SRPK1: variants seen among roughly 807,000 people sequenced by gnomAD.
SRPK1 encodes the protein SFRS protein kinase 1.
A neutral mutation model predicts 89.5 loss-of-function variants in SRPK1; 52 were observed. The ratio of observed to expected loss-of-function variants is 0.58; its 90% CI spans 0.46 to 0.73. The LOEUF (loss-of-function observed/expected upper bound fraction) is 0.73. SRPK1 is among the 30% of genes least tolerant of loss of function. SRPK1 has a pLI of 0.00. For missense variants in SRPK1, 603 were observed against 780.6 expected, an observed-to-expected ratio of 0.77 and a Z score of 2.71; for synonymous variants, 255 against 270.2, an observed-to-expected ratio of 0.94 and a Z score of 0.55.
chr6:35,881,134 C>G (rs1770278817), intron 6 of SRPK1, among the ~76,000 whole-genome samples: 1 of 151,938 alleles, frequency 6.6e-6, no homozygotes, highest in Admixed American at 6.6e-5. Context: ...TTAAGACATC[C>G]CATGTAAACA....
chr6:35,855,584 C>A (rs1440700472), intron 13 of SRPK1, among the ~76,000 whole-genome samples: 1 of 152,066 alleles, frequency 6.6e-6, no homozygotes, highest in East Asian at 1.9e-4. Flanking sequence ...TTTATTAAAC[C>A]CTGTTGAATA....
intron 6 of SRPK1, among the ~76,000 whole-genome samples, chr6:35,883,587 TG>T (rs1770342971): frequency 6.6e-6 from 1 of 152,026 alleles, no homozygotes; most frequent in South Asian, 2.1e-4. Flanking sequence ...TTGTAAGCAG[TG>T]ATATTAAAAT....
intron 6 of SRPK1, among the ~76,000 whole-genome samples, chr6:35,883,606 C>A (rs1398075917): frequency 6.6e-6 from 1 of 151,704 alleles, no homozygotes. Flanking sequence ...AATGACCAAA[C>A]ATATAGTAGC....
intron 3 of SRPK1, among the ~76,000 whole-genome samples, chr6:35,889,959 T>A (rs1178327152): frequency 7.0e-6 from 1 of 143,566 alleles, no homozygotes; most frequent in Non-Finnish European, 1.5e-5. Context: ...ATACAAAAAA[T>A]TAGCCGGGTA....
chr6:35,917,425 C>G (rs1771134857), intron 2 of SRPK1, among the ~76,000 whole-genome samples: 1 of 152,176 alleles, frequency 6.6e-6, no homozygotes, highest in African/African-American at 2.4e-5. Context: ...TCTGACAAAC[C>G]TCAATTCTCT....
In SRPK1 at chr6:35,893,659, T is replaced by TACC. The variant is rs1046326276; in HGVS notation, c.75-2649_75-2647dup. Among the ~76,000 whole-genome samples, 182 of 152,242 alleles carry TACC rather than the reference T, an allele frequency of 1.2e-3. 1 individual carries two copies. Among genetic ancestry groups the TACC allele is most frequent in the African/African-American group, 4.0e-3 (165 of 41,518 alleles). On this transcript the variant is annotated intron_variant, in intron 2 of 15. Coordinates refer to ENST00000373825, the MANE Select transcript of SRPK1 (RefSeq NM_003137.5). ...CAAATGCTGTTAGTGTGGATGATGCTACCCCAGAGTAAACTTTTCCAGATT... is the reference window on the plus strand; with the variant it reads ...CAAATGCTGTTAGTGTGGATGATGCTACCACCCCAGAGTAAACTTTTCCAGATT...
intron 6 of SRPK1, among the ~76,000 whole-genome samples, chr6:35,878,991 T>C (rs1264458680): frequency 1.3e-5 from 2 of 152,066 alleles, no homozygotes; most frequent in African/African-American, 2.4e-5. Flanking sequence ...CATGGGAGGC[T>C]GAGGCAGGAG....
intron 13 of SRPK1, 119 bp from the exon 14 acceptor site, chr6:35,842,723 AT>A (rs71652741): frequency 0.032 from 14,219 of 440,510 alleles, 152 homozygotes; most frequent in African/African-American, 0.079. Flanking sequence ...CTTATAGATC[AT>A]TTAAAAAAAA....
chr6:35,874,661 A>G (rs1370518824), intron 6 of SRPK1, among the ~76,000 whole-genome samples: 1 of 152,246 alleles, frequency 6.6e-6, no homozygotes, highest in Non-Finnish European at 1.5e-5. Context: ...TCAAGCCTCA[A>G]GCTGTTGATT....
chr6:35,884,314 G>C (rs1561985466), intron 6 of SRPK1, among the ~76,000 whole-genome samples: 1 of 152,164 alleles, frequency 6.6e-6, no homozygotes, highest in Non-Finnish European at 1.5e-5. Flanking sequence ...CTCCAGGCAA[G>C]TAGAGTGAGC....
intron 11 of SRPK1, 117 bp from the exon 12 acceptor site, chr6:35,869,227 C>A (rs1014893819): frequency 4.1e-5 from 40 of 965,692 alleles, no homozygotes; most frequent in African/African-American, 8.3e-5. Flanking sequence ...TGACAACTTA[C>A]ATTTTCTGAG....
At position 35,869,103 on chromosome 6, in the gene SRPK1, G is replaced by C. The variant is rs1288549807; in HGVS notation, c.1419C>G (p.Ser473=). 15 of 1,612,748 alleles carry C rather than the reference G, an allele frequency of 9.3e-6. No individual in the cohort carries two copies. The highest frequency in any genetic ancestry group is 1.2e-5 in the Non-Finnish European group (14 of 1,179,420). ...GATTAACAAGAAAATTTCCAGCCGTGGATTTTCCTACAGACAACAGGCATC... is the reference window on the plus strand; with the variant it reads ...GATTAACAAGAAAATTTCCAGCCGTCGATTTTCCTACAGACAACAGGCATC... ...HNGPLDNKGK[S]TAGNFLVNPL... Residue 473 remains serine, a synonymous_variant, in exon 12 of 16, where the codon TCC becomes TCG. Transcript: ENST00000373825.
At chr6:35,893,370 A>G (rs1274661439) in intron 2 of SRPK1, among the ~76,000 whole-genome samples, 1 of 152,078 alleles carries the variant, frequency 6.6e-6, no homozygotes, top group African/African-American at 2.4e-5. Context: ...CTGTAGTCCC[A>G]GCTACTCGGG....
chr6:35,910,203 G>A (rs556180100), intron 2 of SRPK1, among the ~76,000 whole-genome samples: 16 of 152,104 alleles, frequency 1.1e-4, no homozygotes, highest in African/African-American at 2.9e-4. Flanking sequence ...GGCTGGTCTC[G>A]AACTCCCGAC....
At chr6:35,904,107 A>T (rs556787126) in intron 2 of SRPK1, among the ~76,000 whole-genome samples, 3 of 152,156 alleles carry the variant, frequency 2.0e-5, no homozygotes, top group Admixed American at 6.5e-5. Flanking sequence ...CCAAGCCATG[A>T]TTTTTATTTA....
intron 2 of SRPK1, among the ~76,000 whole-genome samples, chr6:35,900,433 T>A (rs1002541286): frequency 5.3e-5 from 8 of 152,212 alleles, no homozygotes; most frequent in Non-Finnish European, 1.2e-4. Context: ...CCAGGTACTT[T>A]TTTCTAGGCA....
chr6:35,859,816 G>A (rs77408498), intron 12 of SRPK1, among the ~76,000 whole-genome samples: 1,655 of 152,112 alleles, frequency 0.011, 13 homozygotes, highest in Non-Finnish European at 0.017. Context: ...CAGAGTATGT[G>A]CCAGCATGTT....
At chr6:35,866,013 A>AT (rs1355822958) in intron 12 of SRPK1, among the ~76,000 whole-genome samples, 1 of 152,078 alleles carries the variant, frequency 6.6e-6, no homozygotes, top group Non-Finnish European at 1.5e-5. Flanking sequence ...ACTCAACTCA[A>AT]TTAAAAAAAA....
At chr6:35,916,741 A>C (rs1771111676) in intron 2 of SRPK1, among the ~76,000 whole-genome samples, 1 of 152,220 alleles carries the variant, frequency 6.6e-6, no homozygotes. Flanking sequence ...TTCTGGAATT[A>C]TGTTCCATAG....
Sources: gnomAD v4.1 joint callset for allele counts (sites outside exome capture counted in the v4.1 genomes callset) on GRCh38, gnomAD v4.1.1 for gene constraint, MANE v1.5 for transcripts, NCBI Gene and HGNC (gene_info 2026-07-23, HGNC 2026-07-21) for gene names.